ZDHHC24: variants seen among roughly 807,000 people sequenced by gnomAD.
ZDHHC24 encodes the protein zDHHC palmitoyltransferase 24.
ZDHHC24 carries 17 observed loss-of-function variants against 23.2 expected under a neutral mutation model. The ratio of observed to expected loss-of-function variants is 0.73; its 90% CI spans 0.50 to 1.10. The LOEUF (loss-of-function observed/expected upper bound fraction) is 1.10. Among genes scored for constraint, ZDHHC24 ranks in the 50% least tolerant of loss-of-function variants. The pLI, the probability that ZDHHC24 is intolerant of heterozygous loss-of-function variation, is 0.00. For synonymous variants in ZDHHC24, 186 were observed against 194.5 expected (o/e 0.96, Z 0.36); for missense variants, 366 against 393.0 (o/e 0.93, Z 0.58).
chr11:66,525,858 T>G lies in ZDHHC24; in HGVS notation c.*21+1078A>C, dbSNP rs910312633. Among the ~76,000 whole-genome samples, 13 of 152,132 alleles carry G rather than the reference T, an allele frequency of 8.5e-5. 2 individuals carry two copies. Among genetic ancestry groups the G allele is most frequent in the Admixed American group, 7.9e-4 (12 of 15,272 alleles). On this transcript the variant is annotated intron_variant, in intron 4 of 4. Transcript: ENST00000526986. ...AAAGGCAGCATTGTGAAGGGCAGAC[T>G]GGGGAGAAAGACCCGAAAGACGAGT...
intron 4 of ZDHHC24, chr11:66,526,049 C>T: frequency 2.2e-6 from 3 of 1,367,328 alleles, no homozygotes; most frequent in Non-Finnish European, 3.1e-6. Flanking sequence ...TATCTGGGGC[C>T]TCCCCTACCC....
downstream of ZDHHC24, among the ~76,000 whole-genome samples, chr11:66,534,315 C>A (rs554355581): frequency 1.3e-5 from 2 of 151,392 alleles, no homozygotes; most frequent in Non-Finnish European, 2.9e-5. Context: ...TGGTGGCAGG[C>A]GCGTGTAATC....
chr11:66,530,003 A>G, intron 2 of ZDHHC24: 5 of 1,562,968 alleles, frequency 3.2e-6, no homozygotes, highest in Non-Finnish European at 4.3e-6. Context: ...AGAGGCCAGG[A>G]TGCGCAGGAA....
intron 4 of ZDHHC24, chr11:66,523,292 C>T: frequency 1.0e-6 from 1 of 953,276 alleles, no homozygotes; most frequent in Non-Finnish European, 1.7e-6. Flanking sequence ...TTTTCCAAGG[C>T]CACACATTTA....
Position 66,526,662 on chromosome 11 carries a change from C to T in ZDHHC24, c.*21+274G>A, listed in dbSNP as rs200577824. On this transcript the variant is annotated intron_variant, in intron 4 of 4. Coordinates refer to the ZDHHC24 transcript ENST00000526986. ...CCACTTCCCTAGGTGGTGGCCTGAT[C>T]ATCAAGATCCTGAAGCGTACAGCAG... 6.2e-7 allele frequency: 1 copy of T among 1,614,202 alleles called. No individual in the cohort carries two copies. Among genetic ancestry groups the T allele is most frequent in the Admixed American group, 1.7e-5 (1 of 60,024 alleles).
At chr11:66,542,444 T>C (rs79468236) in intron 2 of ZDHHC24, 3,876 of 152,626 alleles carry the variant, frequency 0.025, 175 homozygotes, top group African/African-American at 0.089. Context: ...GGTGGAAAGG[T>C]ACAGACGGGC....
chr11:66,536,131 A>G lies in ZDHHC24; in HGVS notation c.*3398T>C, dbSNP rs1203444179. On this transcript the variant is annotated 3_prime_UTR_variant, in exon 3 of 3. Transcript: ENST00000310442. ...AGCAACGGAATGACTGAAACAGGAC[A>G]GTGTCTCCCCCACCAGGAAGGGGCA... The G allele has an allele frequency of 6.6e-6, 1 of 152,362 alleles. No homozygotes were observed. The highest frequency in any genetic ancestry group is 2.4e-5 in the African/African-American group (1 of 41,468). The allele number at this position is 152,362 out of a possible 1,614,324, so 9.4% of individuals were successfully genotyped here.
At chr11:66,521,400 G>A (rs902672556) in exon 5 of ZDHHC24, 12 of 1,588,408 alleles carry the variant, frequency 7.6e-6, no homozygotes, top group Non-Finnish European at 1.0e-5. Flanking sequence ...TGGTCTCCGG[G>A]GCCGGGAGGA....
At chr11:66,526,553 G>A in intron 4 of ZDHHC24, 1 of 1,516,482 alleles carries the variant, frequency 6.6e-7, no homozygotes. Context: ...GTGTACAGAA[G>A]CAACTCTATA....
At chr11:66,521,095 G>C (rs967659175) in exon 5 of ZDHHC24, 5 of 668,620 alleles carry the variant, frequency 7.5e-6, no homozygotes, top group African/African-American at 3.6e-5. Flanking sequence ...AGACTAAAAG[G>C]CTTTTGCTAA....
chr11:66,534,879 T>C (rs1431987141), downstream of ZDHHC24, among the ~76,000 whole-genome samples: 1 of 151,728 alleles, frequency 6.6e-6, no homozygotes, highest in East Asian at 1.9e-4. Flanking sequence ...GTATTTTTAG[T>C]AGAAACAGCG....
intron 3 of ZDHHC24, among the ~76,000 whole-genome samples, chr11:66,527,219 A>AG (rs959970254): frequency 2.2e-4 from 33 of 151,828 alleles, no homozygotes; most frequent in Non-Finnish European, 4.3e-4. Context: ...AAAAAAAAAA[A>AG]AGAGAGAGAG....
At chr11:66,524,601 G>C (rs1046420119) in intron 4 of ZDHHC24, among the ~76,000 whole-genome samples, 3 of 152,186 alleles carry the variant, frequency 2.0e-5, no homozygotes, top group Non-Finnish European at 4.4e-5. Context: ...ATTCTGCACA[G>C]AGAATAGCAT....
Position 66,539,436 on chromosome 11 carries a change from T to G in ZDHHC24, c.*93A>C, listed in dbSNP as rs1857078538. 1 of 1,421,830 alleles carries G rather than the reference T, an allele frequency of 7.0e-7. No individual in the cohort carries two copies. The highest frequency in any genetic ancestry group is 9.2e-7 in the Non-Finnish European group (1 of 1,089,866). The allele number at this position is 1,421,830 out of a possible 1,614,324, so 88.1% of individuals were successfully genotyped here. A position where few individuals can be genotyped will look rare whatever the true frequency, so the allele number is the denominator to read the frequency against. The stretch of plus-strand genomic sequence containing the variant: ...AAGGGGTGGAGTTGTCCAATGCAGA[T>G]GTTAAGGTCCAACCCGACTTCCTTA... On this transcript the variant is annotated 3_prime_UTR_variant, in exon 3 of 3. Coordinates refer to ENST00000310442, the MANE Select transcript of ZDHHC24 (RefSeq NM_207340.3).
chr11:66,521,592 A>G (rs922518826), intron 4 of ZDHHC24: 17 of 586,016 alleles, frequency 2.9e-5, no homozygotes, highest in Non-Finnish European at 4.0e-5. Flanking sequence ...CTGGGTGGCT[A>G]TAGTACAGGA....
downstream of ZDHHC24, chr11:66,533,495 C>A (rs1195987220): frequency 4.6e-5 from 7 of 152,188 alleles, no homozygotes; most frequent in Admixed American, 2.0e-4. Flanking sequence ...CTCCCCCATC[C>A]CTAGTTATTA....
chr11:66,527,668 C>CAAAAAAAAAAAAAA, intron 3 of ZDHHC24: 1 of 57,964 alleles, frequency 1.7e-5, no homozygotes, highest in Non-Finnish European at 3.2e-5. Context: ...GACTCCGTCT[C>CAAAAAAAAAAAAAA]AAAAAAAAAA....
intron 4 of ZDHHC24, chr11:66,523,397 C>T: frequency 1.2e-6 from 2 of 1,613,276 alleles, no homozygotes; most frequent in Non-Finnish European, 1.7e-6. Context: ...AGAGGAGGGT[C>T]AGCCATAGAA....
intron 4 of ZDHHC24, chr11:66,523,871 A>G: frequency 6.2e-7 from 1 of 1,613,220 alleles, no homozygotes; most frequent in East Asian, 2.2e-5. Flanking sequence ...GCTCAATGTC[A>G]TCCACACCCC....
Sources: allele counts gnomAD v4.1 joint callset (sites outside exome capture counted in the v4.1 genomes callset), GRCh38; gene constraint gnomAD v4.1.1; transcripts MANE v1.5; gene names NCBI Gene and HGNC (gene_info 2026-07-23, HGNC 2026-07-21).